TRIQK: variants seen among roughly 807,000 people sequenced by gnomAD.
TRIQK encodes the protein triple QxxK/R motif-containing protein.
TRIQK carries 10 observed loss-of-function variants against 10.8 expected under a neutral mutation model. That is an observed-to-expected ratio of 0.92 (90% CI 0.57 to 1.57). The LOEUF is 1.57. TRIQK is among the 40% of genes most tolerant of loss of function. The pLI, the probability that TRIQK is intolerant of heterozygous loss-of-function variation, is 0.00. For synonymous variants in TRIQK, 33 were observed against 33.7 expected (o/e 0.98, Z 0.07); for missense variants, 107 against 97.7 (o/e 1.09, Z -0.40).
chr8:93,003,193 T>C (rs1176331731), intron 1 of TRIQK, among the ~76,000 whole-genome samples: 1 of 152,096 alleles, frequency 6.6e-6, no homozygotes, highest in African/African-American at 2.4e-5. Context: ...TGGGCTCTTT[T>C]ATTAACTTAC....
rs1255812229 is a variant in TRIQK at position 92,886,458 on chromosome 8, G to A, written c.*164C>T. 3.8e-6 allele frequency: 2 copies of A among 527,836 alleles called. No individual in the cohort carries two copies. The highest frequency in any genetic ancestry group is 3.4e-5 in the Admixed American group (1 of 29,226). The allele number at this position is 527,836 out of a possible 1,614,324, so 32.7% of individuals were successfully genotyped here. A position where few individuals can be genotyped will look rare whatever the true frequency, so the allele number is the denominator to read the frequency against. On this transcript the variant is annotated 3_prime_UTR_variant, in exon 5 of 5. Coordinates refer to ENST00000521988, the MANE Select transcript of TRIQK (RefSeq NM_001171797.2). ...ATACTATACTGCATTGCTAGGTAAGGTTCTTTTCCTGACATCCTATGCAAC... is the reference window on the plus strand; with the variant it reads ...ATACTATACTGCATTGCTAGGTAAGATTCTTTTCCTGACATCCTATGCAAC...
chr8:93,014,993 T>A (rs1283853838), intron 1 of TRIQK, among the ~76,000 whole-genome samples: 1 of 152,066 alleles, frequency 6.6e-6, no homozygotes, highest in Non-Finnish European at 1.5e-5. Context: ...CATTTTAACA[T>A]TTCCTCAAGA....
chr8:92,918,386 GT>G (rs1256650702), intron 2 of TRIQK, among the ~76,000 whole-genome samples: 3 of 151,806 alleles, frequency 2.0e-5, no homozygotes, highest in Non-Finnish European at 4.4e-5. Flanking sequence ...ACCAACACTT[GT>G]TATTTTTTGC....
intron 1 of TRIQK, among the ~76,000 whole-genome samples, chr8:93,012,791 A>C (rs894653223): frequency 1.3e-5 from 2 of 152,188 alleles, no homozygotes; most frequent in African/African-American, 4.8e-5. Flanking sequence ...TAAATAATGT[A>C]ATGCAGTGGC....
intron 1 of TRIQK, among the ~76,000 whole-genome samples, chr8:93,014,206 A>G (rs1813361919): frequency 6.6e-6 from 1 of 152,114 alleles, no homozygotes; most frequent in Admixed American, 6.6e-5. Context: ...CGAATAAACA[A>G]TGTTACAGAA....
chr8:92,968,218 T>G (rs1001450420), upstream of TRIQK, among the ~76,000 whole-genome samples: 1 of 152,216 alleles, frequency 6.6e-6, no homozygotes, highest in Non-Finnish European at 1.5e-5. Context: ...GCATTTGGGT[T>G]GGTTCCAAGT....
chr8:92,920,280 G>A lies in TRIQK; in HGVS notation c.-21-3270C>T, dbSNP rs573468299. On this transcript the variant is annotated intron_variant, in intron 2 of 4. Transcript: ENST00000521988. Reference sequence around the variant, plus strand: ...TATGTCATTATTCATAGAATACAATGTTACAGTCGTAAGTATTCTTCAAAC... The same window carrying A: ...TATGTCATTATTCATAGAATACAATATTACAGTCGTAAGTATTCTTCAAAC... Among the ~76,000 whole-genome samples, 18 of 151,718 alleles carry A rather than the reference G, an allele frequency of 1.2e-4. No individual in the cohort carries two copies. In the East Asian group the frequency reaches 3.1e-3, roughly 26 times the overall value.
chr8:92,905,894 G>A (rs921901770), intron 3 of TRIQK, among the ~76,000 whole-genome samples: 4 of 152,180 alleles, frequency 2.6e-5, no homozygotes, highest in African/African-American at 9.7e-5. Flanking sequence ...AATGGATAGA[G>A]AACTGACTAC....
At chr8:92,930,231 A>G (rs968608762) in intron 2 of TRIQK, among the ~76,000 whole-genome samples, 1 of 150,908 alleles carries the variant, frequency 6.6e-6, no homozygotes, top group African/African-American at 2.4e-5. Flanking sequence ...TCTACTAAAT[A>G]TACAAAAAAT....
At chr8:92,946,770 T>C (rs1811556073) in intron 2 of TRIQK, among the ~76,000 whole-genome samples, 1 of 150,584 alleles carries the variant, frequency 6.6e-6, no homozygotes, top group South Asian at 2.1e-4. Context: ...TACTTTTTTT[T>C]TTTTTTCTGA....
At chr8:92,911,351 C>G (rs943024795) in intron 3 of TRIQK, among the ~76,000 whole-genome samples, 1 of 150,506 alleles carries the variant, frequency 6.6e-6, no homozygotes, top group Non-Finnish European at 1.5e-5. Context: ...TGATACCAAG[C>G]GAGGAAGAGA....
chr8:92,949,376 A>G (rs942882204), intron 2 of TRIQK, among the ~76,000 whole-genome samples: 2 of 152,112 alleles, frequency 1.3e-5, no homozygotes, highest in African/African-American at 4.8e-5. Flanking sequence ...CCTATCTCAC[A>G]TGGCTATGTT....
intron 2 of TRIQK, among the ~76,000 whole-genome samples, chr8:92,925,953 G>A (rs1178740027): frequency 6.6e-6 from 1 of 152,100 alleles, no homozygotes; most frequent in Non-Finnish European, 1.5e-5. Context: ...GGTGGCGGGT[G>A]CCTGTGGTCC....
At position 92,991,877 on chromosome 8, in the gene TRIQK, C is replaced by T. The variant is rs138506117; in HGVS notation, c.-181+25732G>A. Among the ~76,000 whole-genome samples, 352 of 152,204 alleles carry T rather than the reference C, an allele frequency of 2.3e-3. 1 individual carries two copies. Among genetic ancestry groups the T allele is most frequent in the African/African-American group, 8.1e-3 (335 of 41,528 alleles). ...CACTAACGATAGACAAACAGAGAGC[C>T]AAACCATGAGTGAACTCCCATTCAC... On this transcript the variant is annotated intron_variant, in intron 1 of 4. Coordinates refer to the TRIQK transcript ENST00000520686.
At chr8:92,993,796 G>A (rs574128237) in intron 1 of TRIQK, among the ~76,000 whole-genome samples, 1 of 152,180 alleles carries the variant, frequency 6.6e-6, no homozygotes, top group South Asian at 2.1e-4. Flanking sequence ...AGTTCTTTAT[G>A]ACTAGCCATC....
intron 1 of TRIQK, among the ~76,000 whole-genome samples, chr8:93,010,177 A>G (rs769201896): frequency 6.6e-6 from 1 of 152,144 alleles, no homozygotes; most frequent in Non-Finnish European, 1.5e-5. Context: ...TATAAGAGGA[A>G]TAAATTTTGG....
rs146976032 is a variant in TRIQK, at chr8:92,974,001, C to T, written c.-180-19437G>A. On this transcript the variant is annotated intron_variant, in intron 1 of 4. Coordinates refer to the TRIQK transcript ENST00000520686. ...CAACCCATTTCTTCTGCCTGATCTG[C>T]TCAATAGCTCCACATCAAGTGCTTG... is the stretch of plus-strand genomic sequence containing the variant. The T allele has an allele frequency of 1.1e-3, 167 of 152,446 alleles. 1 individual carries two copies. The highest frequency in any genetic ancestry group is 3.8e-3 in the African/African-American group (158 of 41,578). 9.4% of individuals were successfully genotyped at this position (152,446 alleles called of 1,614,324 possible).
intron 1 of TRIQK, among the ~76,000 whole-genome samples, chr8:93,003,544 G>C (rs529282744): frequency 6.6e-6 from 1 of 151,698 alleles, no homozygotes; most frequent in Non-Finnish European, 1.5e-5. Context: ...TTCCTCCCCC[G>C]GTCCCTCCCA....
chr8:92,908,227 G>C (rs1809382560), intron 3 of TRIQK, among the ~76,000 whole-genome samples: 1 of 151,744 alleles, frequency 6.6e-6, no homozygotes, highest in Non-Finnish European at 1.5e-5. Flanking sequence ...TTTTATAAAT[G>C]TTCATTTTCT....
Sources: gnomAD v4.1 joint callset for allele counts (sites outside exome capture counted in the v4.1 genomes callset) on GRCh38, gnomAD v4.1.1 for gene constraint, MANE v1.5 for transcripts, NCBI Gene and HGNC (gene_info 2026-07-23, HGNC 2026-07-21) for gene names.